Variants in LUM observed in about 807,000 individuals in gnomAD.
LUM encodes KSPG lumican.
In LUM, 13 loss-of-function variants were observed where a neutral mutation model predicts 20.5. The ratio of observed to expected loss-of-function variants is 0.63; its 90% confidence interval spans 0.41 to 1.01. LUM has a LOEUF of 1.01. Among genes scored for constraint, LUM ranks in the 50% least tolerant of loss-of-function variants. LUM has a pLI of 0.00. For synonymous variants in LUM, 173 were observed against 151.5 expected (o/e 1.14, Z -1.04); for missense variants, 321 against 391.1 (o/e 0.82, Z 1.51).
intron 1 of LUM, among the ~76,000 whole-genome samples, chr12:91,111,187 G>T (rs753934397): frequency 2.0e-5 from 3 of 151,928 alleles, no homozygotes; most frequent in Non-Finnish European, 4.4e-5. Context: ...AACTTCTCTT[G>T]CCAAGCAATA....
chr12:91,109,732 A>G (rs1880161456), intron 1 of LUM, among the ~76,000 whole-genome samples: 1 of 152,244 alleles, frequency 6.6e-6, no homozygotes, highest in African/African-American at 2.4e-5. Context: ...AATGTCACAC[A>G]TTCTGAAGGT....
In LUM at chr12:91,108,113, C is replaced by G. The variant is rs768941643; in HGVS notation, c.862+5G>C. On this transcript the variant is annotated splice_donor_5th_base_variant and intron_variant, in intron 2 of 2. Transcript: ENST00000266718. This position sits in a 1 kb window ranked among gnomAD's most constrained non-coding sequence, Gnocchi z 4.2. ...CATCAAACACAGGAACAGCTTTTTA[C>G]TTACTCTCAAGTTGATTGACCTCCA... is the stretch of plus-strand genomic sequence containing the variant. 1 of 1,613,926 alleles carries G rather than the reference C, an allele frequency of 6.2e-7. No homozygotes were observed. Among genetic ancestry groups the G allele is most frequent in the Non-Finnish European group, 8.5e-7 (1 of 1,179,924 alleles).
At position 91,103,649 on chromosome 12, in the gene LUM, A is replaced by C. The variant is rs1214468205; in HGVS notation, c.*516T>G. On this transcript the variant is annotated 3_prime_UTR_variant, in exon 3 of 3. Coordinates refer to ENST00000266718, the MANE Select transcript of LUM (RefSeq NM_002345.4). ...CTTAGAGTGAAAAATAATTCTAGAAAAGTTTCACTAGGTAAGTATGCAAAT... is the reference window on the plus strand; with the variant it reads ...CTTAGAGTGAAAAATAATTCTAGAACAGTTTCACTAGGTAAGTATGCAAAT... 6.6e-6 allele frequency: 1 copy of C among 152,252 alleles called. No homozygotes were observed. Among genetic ancestry groups the C allele is most frequent in the Non-Finnish European group, 1.5e-5 (1 of 68,078 alleles). 9.4% of individuals were successfully genotyped at this position (152,252 alleles called of 1,614,324 possible).
At position 91,104,078 on chromosome 12, in the gene LUM, A is replaced by T; in HGVS notation, c.*87T>A. ...TCCCTCAGATTTTAAAATTCATGGA[A>T]GTAATAAACAGTAATAAAATATGGA... On this transcript the variant is annotated 3_prime_UTR_variant, in exon 3 of 3. Transcript: ENST00000266718. The T allele has an allele frequency of 4.9e-6, 5 of 1,017,544 alleles. No individual in the cohort carries two copies. Among genetic ancestry groups the T allele is most frequent in the Non-Finnish European group, 7.5e-6 (5 of 670,928 alleles). 63.0% of individuals were successfully genotyped at this position (1,017,544 alleles called of 1,614,324 possible).
intron 2 of LUM, among the ~76,000 whole-genome samples, chr12:91,106,711 A>AAAAAAACAAAAAAAC (rs398020575): frequency 6.8e-6 from 1 of 147,052 alleles, no homozygotes; most frequent in East Asian, 2.3e-4. Flanking sequence ...AAAAAAAAAA[A>AAAAAAACAAAAAAAC]GATGTTAGAA....
chr12:91,107,267 GAAAGAA>G (rs746463314), intron 2 of LUM, among the ~76,000 whole-genome samples: 4 of 84,988 alleles, frequency 4.7e-5, no homozygotes, highest in Non-Finnish European at 9.0e-5. Flanking sequence ...AAGAAAGAAA[GAAAGAA>G]AGAAAGAAAG....
rs143511085 is a variant in LUM at position 91,108,559 on chromosome 12, C to T, written c.421G>A (p.Asp141Asn). The change falls in exon 2 of 3, where the codon GAT (aspartate) becomes AAT (asparagine). Residue 141 changes from aspartate to asparagine, a missense_variant. Asp to Asn is a conservative substitution (Grantham distance 23). Transcript: ENST00000266718. The surrounding 1 kb of genome is among the most constrained non-coding windows in gnomAD (Gnocchi z 4.2). ...SVGPLPKSLE[D>N]LQLTHNKITK... ...ATCTTGTTATGAGTAAGCTGCAGAT[C>T]CTCCAGAGATTTGGGAAGTGGGCCC... is the stretch of plus-strand genomic sequence containing the variant. 3 of 1,610,374 alleles carry T rather than the reference C, an allele frequency of 1.9e-6. No homozygotes were observed. Among genetic ancestry groups the T allele is most frequent in the South Asian group, 2.2e-5 (2 of 90,832 alleles).
chr12:91,103,818 G>A lies in LUM; in HGVS notation c.*347C>T, dbSNP rs937940765. On this transcript the variant is annotated 3_prime_UTR_variant, in exon 3 of 3. Transcript: ENST00000266718. ...TGGTGCAAGAGAGTAACATCCATAT[G>A]TATTTAATCCAAGCTTTGAGGAACA... is the stretch of plus-strand genomic sequence containing the variant. The A allele has an allele frequency of 1.5e-5, 3 of 196,328 alleles. No homozygotes were observed. Among genetic ancestry groups the A allele is most frequent in the East Asian group, 1.4e-4 (1 of 6,950 alleles). The allele number at this position is 196,328 out of a possible 1,614,324, so 12.2% of individuals were successfully genotyped here.
chr12:91,103,949 A>T lies in LUM; in HGVS notation c.*216T>A, dbSNP rs1879968782. 2.5e-6 allele frequency: 1 copy of T among 399,488 alleles called. No homozygotes were observed. Among genetic ancestry groups the T allele is most frequent in the Non-Finnish European group, 4.4e-6 (1 of 224,802 alleles). The allele number at this position is 399,488 out of a possible 1,614,324, so 24.7% of individuals were successfully genotyped here. A position where few individuals can be genotyped will look rare whatever the true frequency, so the allele number is the denominator to read the frequency against. On this transcript the variant is annotated 3_prime_UTR_variant, in exon 3 of 3. Transcript: ENST00000266718. The stretch of plus-strand genomic sequence containing the variant: ...AAAAAAACACTAAATTTACAAATAA[A>T]GCATTGAGTTTGATGTCTATTCGTG...
Position 91,108,537 on chromosome 12 carries a change from T to G in LUM, c.443A>C (p.Lys148Thr). ...TTCAAAAGAGCCCAGCTTTGTGATCTTGTTATGAGTAAGCTGCAGATCCTC... is the reference window on the plus strand; with the variant it reads ...TTCAAAAGAGCCCAGCTTTGTGATCGTGTTATGAGTAAGCTGCAGATCCTC... ...SLEDLQLTHN[K>T]ITKLGSFEGL... is the part of the protein sequence containing the mutation. Residue 148 changes from lysine to threonine, a missense_variant, in exon 2 of 3, where the codon AAG becomes ACG. Coordinates refer to ENST00000266718, the MANE Select transcript of LUM (RefSeq NM_002345.4). The surrounding 1 kb of genome is among the most constrained non-coding windows in gnomAD (Gnocchi z 4.2). The G allele has an allele frequency of 6.2e-7, 1 of 1,611,218 alleles. No homozygotes were observed. The highest frequency in any genetic ancestry group is 8.5e-7 in the Non-Finnish European group (1 of 1,177,794).
intron 2 of LUM, among the ~76,000 whole-genome samples, chr12:91,107,094 C>T (rs1489860932): frequency 1.4e-5 from 2 of 144,440 alleles, no homozygotes; most frequent in African/African-American, 5.2e-5. Context: ...TGCAATGAGC[C>T]GAGATTGCAC....
chr12:91,107,293 GAAAGAA>G (rs1565758440), intron 2 of LUM, among the ~76,000 whole-genome samples: 180 of 95,070 alleles, frequency 1.9e-3, no homozygotes, highest in African/African-American at 2.1e-3. Context: ...GAAAGAGAAA[GAAAGAA>G]AGAAAGAAAG....
intron 2 of LUM, among the ~76,000 whole-genome samples, chr12:91,106,711 A>AAAAAAAT (rs398020575): frequency 6.8e-6 from 1 of 147,052 alleles, no homozygotes; most frequent in South Asian, 2.2e-4. Flanking sequence ...AAAAAAAAAA[A>AAAAAAAT]GATGTTAGAA....
chr12:91,108,013 G>A lies in LUM; in HGVS notation c.862+105C>T, dbSNP rs1031567864. On this transcript the variant is annotated intron_variant, in intron 2 of 2. Transcript: ENST00000266718. This position sits in a 1 kb window ranked among gnomAD's most constrained non-coding sequence, Gnocchi z 4.2. Reference sequence around the variant, plus strand: ...CAGGAATGAGCCACAGCGCCCGGGCGACATTTTGTTTTTTTAATGGAGCCA... The same window carrying A: ...CAGGAATGAGCCACAGCGCCCGGGCAACATTTTGTTTTTTTAATGGAGCCA... 6.4e-5 allele frequency: 85 copies of A among 1,327,602 alleles called. No individual in the cohort carries two copies. Among genetic ancestry groups the A allele is most frequent in the Non-Finnish European group, 8.6e-5 (79 of 923,022 alleles). The allele number at this position is 1,327,602 out of a possible 1,614,324, so 82.2% of individuals were successfully genotyped here.
At chr12:91,107,269 A>AAAG (rs1880080089) in intron 2 of LUM, among the ~76,000 whole-genome samples, 1 of 86,882 alleles carries the variant, frequency 1.2e-5, no homozygotes, top group Non-Finnish European at 2.3e-5. Context: ...GAAAGAAAGA[A>AAAG]AGAAAGAAAG....
chr12:91,111,238 A>G (rs1880197345), intron 1 of LUM, among the ~76,000 whole-genome samples, 160 bp downstream of exon 1: 1 of 152,220 alleles, frequency 6.6e-6, no homozygotes, highest in African/African-American at 2.4e-5. Context: ...TAAATCATGG[A>G]AAACATATTA....
intron 2 of LUM, among the ~76,000 whole-genome samples, chr12:91,106,193 G>A (rs893321527): frequency 5.3e-5 from 8 of 152,094 alleles, no homozygotes; most frequent in Middle Eastern, 3.2e-3. Context: ...CCTACTAGAG[G>A]TTATATGAAA....
Position 91,104,055 on chromosome 12 carries a change from C to T in LUM, c.*110G>A. 6.7e-6 allele frequency: 6 copies of T among 898,392 alleles called. No individual in the cohort carries two copies. The highest frequency in any genetic ancestry group is 8.6e-6 in the Non-Finnish European group (5 of 583,802). The allele number at this position is 898,392 out of a possible 1,614,324, so 55.7% of individuals were successfully genotyped here. A position where few individuals can be genotyped will look rare whatever the true frequency, so the allele number is the denominator to read the frequency against. On this transcript the variant is annotated 3_prime_UTR_variant, in exon 3 of 3. Coordinates refer to ENST00000266718, the MANE Select transcript of LUM (RefSeq NM_002345.4). Reference sequence around the variant, plus strand: ...AAAATAAATGTTTACAAAACATTTCCCTCAGATTTTAAAATTCATGGAAGT... The same window carrying T: ...AAAATAAATGTTTACAAAACATTTCTCTCAGATTTTAAAATTCATGGAAGT...
chr12:91,108,509 T>C lies in LUM; in HGVS notation c.471A>G (p.Gly157=), dbSNP rs1233437615. ...NKITKLGSFE[G]LVNLTFIHLQ... is the part of the protein sequence containing the mutation. ...GATGGATGAAGGTCAGGTTTACCAA[T>C]CCTTCAAAAGAGCCCAGCTTTGTGA... Residue 157 remains glycine (G), a synonymous_variant, in exon 2 of 3, where the codon GGA becomes GGG. Coordinates refer to ENST00000266718, the MANE Select transcript of LUM (RefSeq NM_002345.4). This position sits in a 1 kb window ranked among gnomAD's most constrained non-coding sequence, Gnocchi z 4.2. 6.2e-7 allele frequency: 1 copy of C among 1,613,476 alleles called. No homozygotes were observed. The highest frequency in any genetic ancestry group is 1.3e-5 in the African/African-American group (1 of 74,898).
Sources: gnomAD v4.1 joint callset for allele counts (sites outside exome capture counted in the v4.1 genomes callset) on GRCh38, gnomAD v4.1.1 for gene constraint, Gnocchi (gnomAD v3.1) non-coding constraint, MANE v1.5 for transcripts, NCBI Gene and HGNC (gene_info 2026-07-23, HGNC 2026-07-21) for gene names.